The following METAP1D variants were observed in gnomAD, a reference collection of about 807,000 sequenced individuals.
METAP1D encodes methionine aminopeptidase 1D, mitochondrial.
METAP1D carries 31 observed loss-of-function variants against 40.5 expected under a neutral mutation model. The ratio of observed to expected loss-of-function variants is 0.77; its 90% CI spans 0.58 to 1.03. The LOEUF is 1.03. Among genes scored for constraint, METAP1D ranks in the 50% least tolerant of loss-of-function variants. METAP1D has a pLI of 0.00. For synonymous variants in METAP1D, 151 were observed against 146.4 expected, an observed-to-expected ratio of 1.03 and a Z score of -0.22; for missense variants, 411 against 420.7, an observed-to-expected ratio of 0.98 and a Z score of 0.20.
intron 5 of METAP1D, among the ~76,000 whole-genome samples, chr2:172,068,620 T>C (rs1490898274): frequency 6.6e-6 from 1 of 151,680 alleles, no homozygotes; most frequent in Non-Finnish European, 1.5e-5. Context: ...TTCAAGTGAT[T>C]CTCCTGCCTC....
intron 1 of METAP1D, among the ~76,000 whole-genome samples, chr2:172,060,043 T>C (rs1325841265): frequency 6.6e-6 from 1 of 150,770 alleles, no homozygotes. Flanking sequence ...TGAGTGAGAC[T>C]CCGTCTCAAA....
intron 1 of METAP1D, among the ~76,000 whole-genome samples, chr2:172,035,552 C>T (rs529511087): frequency 1.3e-5 from 2 of 152,164 alleles, no homozygotes; most frequent in Non-Finnish European, 2.9e-5. Flanking sequence ...TCTCTTTCAT[C>T]CCCTGGGTAG....
At position 172,080,577 on chromosome 2, in the gene METAP1D, G is replaced by A; in HGVS notation, c.*171G>A. Reference sequence around the variant, plus strand: ...AGACTGAAGAGCAACTGGGAACTCGGATCTGAAGCCCTGCTGGGGTCGCGC... The same window carrying A: ...AGACTGAAGAGCAACTGGGAACTCGAATCTGAAGCCCTGCTGGGGTCGCGC... On this transcript the variant is annotated 3_prime_UTR_variant, in exon 10 of 10. Transcript: ENST00000315796. 3.0e-6 allele frequency: 2 copies of A among 677,734 alleles called. No homozygotes were observed. Among genetic ancestry groups the A allele is most frequent in the Non-Finnish European group, 5.0e-6 (2 of 397,778 alleles). The allele number at this position is 677,734 out of a possible 1,614,324, so 42.0% of individuals were successfully genotyped here. A position where few individuals can be genotyped will look rare whatever the true frequency, so the allele number is the denominator to read the frequency against.
intron 1 of METAP1D, among the ~76,000 whole-genome samples, chr2:172,033,053 C>T (rs1454663830): frequency 2.0e-5 from 3 of 151,518 alleles, no homozygotes; most frequent in African/African-American, 7.3e-5. Context: ...AGCAAGACTC[C>T]ATCTCTAAAT....
At chr2:172,045,370 T>C (rs1295299765) in intron 1 of METAP1D, among the ~76,000 whole-genome samples, 1 of 132,412 alleles carries the variant, frequency 7.6e-6, no homozygotes, top group Admixed American at 7.6e-5. Context: ...CTAAAAAGGA[T>C]CCTATATAAG....
intron 1 of METAP1D, among the ~76,000 whole-genome samples, chr2:172,010,491 C>CT (rs1317492005): frequency 4.2e-5 from 4 of 94,254 alleles, no homozygotes; most frequent in African/African-American, 7.0e-5. Context: ...TCCTTCTTTC[C>CT]TCTTTTTTTT....
chr2:172,042,924 C>T lies in METAP1D; in HGVS notation c.41-18574C>T, dbSNP rs941319077. On this transcript the variant is annotated intron_variant, in intron 1 of 9. Coordinates refer to ENST00000315796, the MANE Select transcript of METAP1D (RefSeq NM_199227.3). ...ATGTGTACATATGTATACATATATG[C>T]GTACATGTGTATACACGTATGCGTA... Among the ~76,000 whole-genome samples the T allele has an allele frequency of 7.1e-5, 9 of 126,354 alleles. 2 individuals carry two copies. Among genetic ancestry groups the T allele is most frequent in the Admixed American group, 1.6e-4 (2 of 12,872 alleles). 82.9% of individuals were successfully genotyped at this position (126,354 alleles called of 152,430 possible).
Position 172,081,964 on chromosome 2 carries a change from G to T in METAP1D, c.*1558G>T, listed in dbSNP as rs1690727920. 6.6e-6 allele frequency: 1 copy of T among 152,296 alleles called. No individual in the cohort carries two copies. Among genetic ancestry groups the T allele is most frequent in the Non-Finnish European group, 1.5e-5 (1 of 68,186 alleles). The allele number at this position is 152,296 out of a possible 1,614,324, so 9.4% of individuals were successfully genotyped here. ...CGTCGTCCCCCAACCCCTCCAGCTC[G>T]GCTTCTTTGTGTCCAGGGTTGTAGA... On this transcript the variant is annotated 3_prime_UTR_variant, in exon 10 of 10. Transcript: ENST00000315796.
At chr2:172,001,409 A>G in intron 1 of METAP1D, among the ~76,000 whole-genome samples, 1 of 152,090 alleles carries the variant, frequency 6.6e-6, no homozygotes, top group Non-Finnish European at 1.5e-5. Flanking sequence ...GTGGTGGCGC[A>G]TGCCTGTAAT....
At chr2:172,038,048 G>A (rs931141724) in intron 1 of METAP1D, among the ~76,000 whole-genome samples, 2 of 152,116 alleles carry the variant, frequency 1.3e-5, no homozygotes, top group Non-Finnish European at 2.9e-5. Context: ...GCCACTTAGG[G>A]TTTGAGTGGA....
intron 1 of METAP1D, among the ~76,000 whole-genome samples, chr2:172,060,360 G>A (rs1238315820): frequency 1.4e-5 from 2 of 143,016 alleles, no homozygotes; most frequent in African/African-American, 5.2e-5. Context: ...AGGCTGCAGT[G>A]AACCATGATC....
At chr2:172,010,095 CAGTT>C (rs752153473) in intron 1 of METAP1D, among the ~76,000 whole-genome samples, 6 of 151,252 alleles carry the variant, frequency 4.0e-5, no homozygotes, top group East Asian at 1.9e-4. Flanking sequence ...TGAAAAGTGA[CAGTT>C]GGTGGTGGTT....
chr2:172,022,832 GTTCT>G (rs1689035931), intron 1 of METAP1D, among the ~76,000 whole-genome samples: 1 of 151,916 alleles, frequency 6.6e-6, no homozygotes, highest in Non-Finnish European at 1.5e-5. Flanking sequence ...TGTATTTATG[GTTCT>G]TTTTCTCCAT....
At chr2:172,079,124 G>GT (rs961826846) in intron 7 of METAP1D, 91 bp from the exon 8 acceptor site, 5 of 1,360,150 alleles carry the variant, frequency 3.7e-6, no homozygotes, top group African/African-American at 1.5e-5. Flanking sequence ...AAACGACCAA[G>GT]TTTTTTAAAG....
At chr2:172,046,023 CAA>C (rs1254710363) in intron 1 of METAP1D, among the ~76,000 whole-genome samples, 1 of 145,414 alleles carries the variant, frequency 6.9e-6, no homozygotes, top group African/African-American at 2.5e-5. Context: ...AAAAAAGTTT[CAA>C]AGATTGCCAT....
In METAP1D at chr2:172,081,551, T is replaced by C. The variant is rs1690717143; in HGVS notation, c.*1145T>C. The C allele has an allele frequency of 6.6e-6, 1 of 152,226 alleles. No homozygotes were observed. Among genetic ancestry groups the C allele is most frequent in the South Asian group, 2.1e-4 (1 of 4,836 alleles). The allele number at this position is 152,226 out of a possible 1,614,324, so 9.4% of individuals were successfully genotyped here. On this transcript the variant is annotated 3_prime_UTR_variant, in exon 10 of 10. Coordinates refer to ENST00000315796, the MANE Select transcript of METAP1D (RefSeq NM_199227.3). ...AGGGCCATTCCTGCCCGGAGCACCC[T>C]CCTTTCCCTTGCGCTTGCTCTCCGG...
At chr2:172,059,971 G>C (rs1034819897) in intron 1 of METAP1D, among the ~76,000 whole-genome samples, 3 of 151,984 alleles carry the variant, frequency 2.0e-5, no homozygotes, top group Non-Finnish European at 4.4e-5. Flanking sequence ...GAATTGCTTG[G>C]ACCTGGGAGG....
rs917774794 is a variant in METAP1D at position 172,017,377 on chromosome 2, A to ATATATATGTATATATGTG, written c.40+17394_40+17411dup. 3.8e-3 allele frequency among the ~76,000 whole-genome samples: 540 copies of ATATATATGTATATATGTG among 141,494 alleles called. 3 individuals carry two copies. The highest frequency in any genetic ancestry group is 0.013 in the African/African-American group (519 of 40,550). The allele number at this position is 141,494 out of a possible 152,430, so 92.8% of individuals were successfully genotyped here. A position where few individuals can be genotyped will look rare whatever the true frequency, so the allele number is the denominator to read the frequency against. ...TAGGTATATATGTATATATATGTGTATATATATGTATATATGTGTATATAT... is the reference window on the plus strand; with the variant it reads ...TAGGTATATATGTATATATATGTGTATATATATGTATATATGTGTATATATGTATATATGTGTATATAT... On this transcript the variant is annotated intron_variant, in intron 1 of 9. Coordinates refer to ENST00000315796, the MANE Select transcript of METAP1D (RefSeq NM_199227.3).
At chr2:172,010,550 G>A (rs1314369387) in intron 1 of METAP1D, among the ~76,000 whole-genome samples, 1 of 137,100 alleles carries the variant, frequency 7.3e-6, no homozygotes, top group Admixed American at 7.7e-5. Flanking sequence ...CTAGAGGACA[G>A]TGGTGCAATC....
Sources: allele counts gnomAD v4.1 joint callset (sites outside exome capture counted in the v4.1 genomes callset), GRCh38; gene constraint gnomAD v4.1.1; transcripts MANE v1.5; gene names NCBI Gene and HGNC (gene_info 2026-07-23, HGNC 2026-07-21).